NOL4: variants seen among roughly 807,000 people sequenced by gnomAD.
NOL4 encodes cancer/testis antigen 125.
In NOL4, 17 loss-of-function variants were observed where a neutral mutation model predicts 75.9. The observed-to-expected ratio is 0.22, with a 90% CI of 0.15 to 0.34. The LOEUF (loss-of-function observed/expected upper bound fraction) is 0.34. Ranked by LOEUF, NOL4 falls within the 10% of genes least tolerant of loss-of-function variation. The probability of loss-of-function intolerance (pLI) is 1.00; values close to 1 mark genes in which losing one functional copy is unlikely to be tolerated. For synonymous variants in NOL4, 292 were observed against 289.9 expected (o/e 1.01, Z -0.07); for missense variants, 614 against 793.5 (o/e 0.77, Z 2.72).
intron 2 of NOL4, among the ~76,000 whole-genome samples, chr18:34,119,467 C>G (rs1242985348): frequency 6.6e-6 from 1 of 152,126 alleles, no homozygotes; most frequent in Non-Finnish European, 1.5e-5. Context: ...TACTCCAATG[C>G]ACCATTTGTA....
chr18:34,174,169 G>A (rs764477906), intron 1 of NOL4, among the ~76,000 whole-genome samples: 5 of 152,116 alleles, frequency 3.3e-5, no homozygotes, highest in African/African-American at 7.2e-5. Flanking sequence ...TGCTCCTTTA[G>A]GGGACCCGAA....
intron 5 of NOL4, chr18:34,023,533 G>A (rs971646989): frequency 2.0e-5 from 9 of 455,086 alleles, no homozygotes; most frequent in Admixed American, 2.4e-5. Context: ...GGGCCAAGGC[G>A]GTGGTTCTTC....
intron 5 of NOL4, among the ~76,000 whole-genome samples, chr18:34,044,368 T>G (rs2076270707): frequency 6.6e-6 from 1 of 152,034 alleles, no homozygotes; most frequent in Admixed American, 6.6e-5. Context: ...GAATATTTAC[T>G]TTTTTCCTTT....
chr18:33,985,159 A>G (rs924285572), intron 6 of NOL4, among the ~76,000 whole-genome samples: 1 of 152,292 alleles, frequency 6.6e-6, no homozygotes, highest in Admixed American at 6.5e-5. Flanking sequence ...AATGAGTAAC[A>G]TTAACTATTT....
chr18:33,879,694 A>T (rs2064144150), intron 10 of NOL4, among the ~76,000 whole-genome samples: 1 of 152,084 alleles, frequency 6.6e-6, no homozygotes, highest in Admixed American at 6.6e-5. Flanking sequence ...AATAAAAAAG[A>T]TAGTTCCTAT....
intron 2 of NOL4, among the ~76,000 whole-genome samples, chr18:34,117,206 G>A (rs1043658766): frequency 6.6e-6 from 1 of 152,140 alleles, no homozygotes; most frequent in African/African-American, 2.4e-5. Context: ...AGATTACCAT[G>A]ATCACTATCA....
intron 6 of NOL4, among the ~76,000 whole-genome samples, chr18:34,007,295 G>A (rs2146289479): frequency 6.6e-6 from 1 of 152,102 alleles, no homozygotes; most frequent in Middle Eastern, 3.4e-3. Context: ...ATTGCTTAGT[G>A]TTACCAGGCC....
chr18:33,971,981 C>A (rs2145882801), intron 6 of NOL4, among the ~76,000 whole-genome samples: 1 of 152,104 alleles, frequency 6.6e-6, no homozygotes, highest in South Asian at 2.1e-4. Flanking sequence ...GCCTGGCCAA[C>A]ATGGTGAAGC....
At chr18:33,859,689 T>G (rs1341140029) in intron 10 of NOL4, among the ~76,000 whole-genome samples, 1 of 152,058 alleles carries the variant, frequency 6.6e-6, no homozygotes, top group African/African-American at 2.4e-5. Flanking sequence ...GAGGCCGAGG[T>G]GGGTGGATCA....
At chr18:34,096,857 T>C (rs373353075) in intron 4 of NOL4, among the ~76,000 whole-genome samples, 2 of 152,322 alleles carry the variant, frequency 1.3e-5, no homozygotes, top group East Asian at 3.9e-4. Context: ...ACCTTTGTTA[T>C]TGAGCTTTTA....
intron 1 of NOL4, among the ~76,000 whole-genome samples, chr18:34,166,142 A>G (rs1270724968): frequency 1.3e-5 from 2 of 152,132 alleles, no homozygotes. Flanking sequence ...ATTCATTAAT[A>G]TTTGTATAAG....
chr18:34,184,743 A>G (rs939762207), intron 1 of NOL4, among the ~76,000 whole-genome samples: 1 of 152,150 alleles, frequency 6.6e-6, no homozygotes, highest in Non-Finnish European at 1.5e-5. Flanking sequence ...TGGAGGCTAA[A>G]CCAATCCCAT....
At chr18:33,973,578 A>G (rs992995750) in intron 6 of NOL4, among the ~76,000 whole-genome samples, 1 of 152,200 alleles carries the variant, frequency 6.6e-6, no homozygotes, top group Non-Finnish European at 1.5e-5. Flanking sequence ...GCCTTGGGAA[A>G]TGTATTCCTG....
At chr18:34,045,473 C>T (rs2076324362) in intron 5 of NOL4, among the ~76,000 whole-genome samples, 1 of 152,068 alleles carries the variant, frequency 6.6e-6, no homozygotes, top group South Asian at 2.1e-4. Flanking sequence ...GCCCATTGAC[C>T]CCTATCTGCC....
Position 34,026,011 on chromosome 18 carries a change from C to G in NOL4, c.773-6410G>C, listed in dbSNP as rs535854061. Among the ~76,000 whole-genome samples the G allele has an allele frequency of 7.2e-4, 109 of 152,308 alleles. 2 individuals carry two copies. The South Asian group carries it at 0.02, about 28-fold the overall frequency. ...TCTTATTGCCAATATTCTGAGACAG[C>G]AAGAAGCCTGAGCTATGAACCTCTT... On this transcript the variant is annotated intron_variant, in intron 5 of 10. Transcript: ENST00000261592.
At chr18:34,039,062 T>C (rs1242043838) in intron 5 of NOL4, among the ~76,000 whole-genome samples, 1 of 151,932 alleles carries the variant, frequency 6.6e-6, no homozygotes, top group Non-Finnish European at 1.5e-5. Flanking sequence ...GTAAAATATA[T>C]AAACAATATA....
chr18:34,152,151 T>A (rs948239507), intron 1 of NOL4, among the ~76,000 whole-genome samples: 1 of 151,926 alleles, frequency 6.6e-6, no homozygotes. Context: ...CTTATTTTAA[T>A]GTTATTTTTA....
At chr18:33,901,189 A>G (rs2065728456) in intron 9 of NOL4, among the ~76,000 whole-genome samples, 1 of 152,190 alleles carries the variant, frequency 6.6e-6, no homozygotes, top group African/African-American at 2.4e-5. Context: ...GCATCAGATC[A>G]TAAGACTATA....
intron 1 of NOL4, among the ~76,000 whole-genome samples, chr18:34,137,336 G>T (rs149388036): frequency 1.3e-5 from 2 of 152,156 alleles, no homozygotes; most frequent in African/African-American, 4.8e-5. Context: ...AATACCACCA[G>T]AAAGTGAAAT....
Sources: allele counts gnomAD v4.1 joint callset (sites outside exome capture counted in the v4.1 genomes callset), GRCh38; gene constraint gnomAD v4.1.1; transcripts MANE v1.5; gene names NCBI Gene and HGNC (gene_info 2026-07-23, HGNC 2026-07-21).